The following OSBPL6 variants were observed in gnomAD, a reference collection of about 807,000 sequenced individuals.
OSBPL6 encodes the protein oxysterol-binding protein-related protein 6.
OSBPL6 carries 49 observed loss-of-function variants against 125.8 expected under a neutral mutation model. The ratio of observed to expected loss-of-function variants is 0.39; its 90% CI spans 0.31 to 0.49. The LOEUF is 0.49. Among genes scored for constraint, OSBPL6 ranks in the 20% least tolerant of loss-of-function variants. The probability of loss-of-function intolerance (pLI) is 0.88; values close to 1 mark genes in which losing one functional copy is unlikely to be tolerated. For missense variants in OSBPL6, 986 were observed against 1,135.4 expected, an observed-to-expected ratio of 0.87 and a Z score of 1.89; for synonymous variants, 394 against 391.8, an observed-to-expected ratio of 1.01 and a Z score of -0.07.
At chr2:178,327,852 C>T (rs1688832184) in intron 4 of OSBPL6, among the ~76,000 whole-genome samples, 1 of 152,114 alleles carries the variant, frequency 6.6e-6, no homozygotes, top group Non-Finnish European at 1.5e-5. Flanking sequence ...CATTTCTACA[C>T]AGAAAGCCAG....
At chr2:178,279,252 T>C (rs1433717603) in intron 1 of OSBPL6, among the ~76,000 whole-genome samples, 4 of 152,146 alleles carry the variant, frequency 2.6e-5, no homozygotes, top group African/African-American at 9.7e-5. Context: ...TGGGCTTGAA[T>C]AAGAAAGGAG....
intron 1 of OSBPL6, among the ~76,000 whole-genome samples, chr2:178,206,711 T>C (rs1314744222): frequency 6.6e-6 from 1 of 151,836 alleles, no homozygotes; most frequent in African/African-American, 2.4e-5. Flanking sequence ...GCCTCCCGGG[T>C]TCAAGCAATT....
At chr2:178,200,339 C>T (rs2089182086) in intron 1 of OSBPL6, among the ~76,000 whole-genome samples, 2 of 150,788 alleles carry the variant, frequency 1.3e-5, no homozygotes, top group African/African-American at 2.4e-5. Flanking sequence ...GCAACCTCCA[C>T]CTCCTGGGTT....
At chr2:178,289,136 C>T (rs1385165523) in intron 2 of OSBPL6, among the ~76,000 whole-genome samples, 2 of 150,168 alleles carry the variant, frequency 1.3e-5, no homozygotes, top group Non-Finnish European at 3.0e-5. Context: ...TCCTGGCTCA[C>T]CCTCCCGAGT....
At chr2:178,256,872 C>G (rs1355597744) in intron 1 of OSBPL6, among the ~76,000 whole-genome samples, 4 of 152,122 alleles carry the variant, frequency 2.6e-5, no homozygotes, top group African/African-American at 9.7e-5. Context: ...TCCCCTGACT[C>G]CTGGGGATTA....
chr2:178,199,564 C>T (rs534613221), intron 1 of OSBPL6, among the ~76,000 whole-genome samples: 1 of 150,278 alleles, frequency 6.7e-6, no homozygotes, highest in South Asian at 2.1e-4. Flanking sequence ...TGGGGAGCCT[C>T]TGCAAGATAA....
At position 178,384,308 on chromosome 2, in the gene OSBPL6, G is replaced by T. The variant is rs1444128609; in HGVS notation, c.2013+132G>T. ...TGTGAATTCGAAGTATCTGAGACAG[G>T]TCTTAATCAGTTTAGAAAGTTTATT... On this transcript the variant is annotated intron_variant, in intron 18 of 24. Coordinates refer to ENST00000190611, the MANE Select transcript of OSBPL6 (RefSeq NM_032523.4). 4.1e-6 allele frequency: 5 copies of T among 1,208,354 alleles called. No homozygotes were observed. In the East Asian group the frequency reaches 9.4e-5, roughly 23 times the overall value. 74.9% of individuals were successfully genotyped at this position (1,208,354 alleles called of 1,614,324 possible).
chr2:178,337,969 TC>T (rs1689848276), intron 9 of OSBPL6, among the ~76,000 whole-genome samples: 1 of 151,342 alleles, frequency 6.6e-6, no homozygotes, highest in African/African-American at 2.4e-5. Context: ...TGAGACGGAG[TC>T]TTGCTCTATT....
chr2:178,361,496 G>A (rs1373988897), intron 12 of OSBPL6, among the ~76,000 whole-genome samples, 186 bp from the exon 13 acceptor site: 1 of 152,118 alleles, frequency 6.6e-6, no homozygotes, highest in Non-Finnish European at 1.5e-5. Flanking sequence ...AATTGCCATT[G>A]TAATATTTGT....
intron 3 of OSBPL6, among the ~76,000 whole-genome samples, chr2:178,311,007 G>A (rs1466749193): frequency 6.6e-6 from 1 of 152,212 alleles, no homozygotes; most frequent in African/African-American, 2.4e-5. Flanking sequence ...TTACAGAGCA[G>A]TTGGAGTAGT....
At chr2:178,388,637 G>C (rs1043100441) in intron 20 of OSBPL6, among the ~76,000 whole-genome samples, 4 of 152,088 alleles carry the variant, frequency 2.6e-5, no homozygotes, top group African/African-American at 4.8e-5. Flanking sequence ...TGTCTTCCTT[G>C]ACACTCATCC....
At chr2:178,213,361 A>G (rs2089953208) in intron 1 of OSBPL6, among the ~76,000 whole-genome samples, 2 of 152,018 alleles carry the variant, frequency 1.3e-5, no homozygotes, top group South Asian at 4.1e-4. Context: ...TGCATGCCCA[A>G]AACAGAACCA....
chr2:178,336,447 C>G lies in OSBPL6; in HGVS notation c.790+14C>G. On this transcript the variant is annotated intron_variant, in intron 9 of 24. Transcript: ENST00000190611. ...GGTGTGCAGAAGGTTAGTTCTTGCC[C>G]AGTGTGGCCTGAGAGTAAGCCAAAA... 6.2e-7 allele frequency: 1 copy of G among 1,612,356 alleles called. No individual in the cohort carries two copies. Among genetic ancestry groups the G allele is most frequent in the East Asian group, 2.2e-5 (1 of 44,854 alleles).
rs1687555753 is a variant in OSBPL6, at chr2:178,314,338, CTG to C, written c.102+8056_102+8057del. ...AGGAATATAACCTGAATTATTAGCT[CTG>C]TGTAGAATTCCACTGGACCCAGGGA... On this transcript the variant is annotated intron_variant, in intron 3 of 24. Coordinates refer to ENST00000190611, the MANE Select transcript of OSBPL6 (RefSeq NM_032523.4). 3.9e-5 allele frequency among the ~76,000 whole-genome samples: 6 copies of C among 152,354 alleles called. No individual in the cohort carries two copies. The South Asian group carries it at 1.2e-3, about 32-fold the overall frequency.
At position 178,389,011 on chromosome 2, in the gene OSBPL6, A is replaced by T. The variant is rs967256565; in HGVS notation, c.2159A>T (p.Tyr720Phe). The change falls in exon 21 of 25, where the codon TAT (tyrosine) becomes TTT (phenylalanine). Residue 720 changes from tyrosine to phenylalanine, a missense_variant and splice_region_variant. By Grantham distance (22) the Tyr-to-Phe change is conservative. Around this residue, in one of 3 missense-constraint regions of OSBPL6, gnomAD observed 843 missense variants for 997.3 expected, o/e 0.85. Coordinates refer to ENST00000190611, the MANE Select transcript of OSBPL6 (RefSeq NM_032523.4). The part of the protein sequence containing the change: ...VGTLNVMLPK[Y>F]GDYYVWNKVT... The stretch of plus-strand genomic sequence containing the variant: ...ATCAGTGTTACATTCTTCACTAGGT[A>T]TGGAGATTACTATGTGTGGAATAAA... The T allele has an allele frequency of 1.9e-6, 3 of 1,613,758 alleles. No homozygotes were observed. Among genetic ancestry groups the T allele is most frequent in the Non-Finnish European group, 2.5e-6 (3 of 1,179,890 alleles).
At chr2:178,318,572 C>T (rs1174230591) in intron 3 of OSBPL6, among the ~76,000 whole-genome samples, 1 of 152,198 alleles carries the variant, frequency 6.6e-6, no homozygotes, top group Non-Finnish European at 1.5e-5. Flanking sequence ...GGAAAATCCA[C>T]ATGCATCTTC....
chr2:178,220,690 A>G (rs1428587459), intron 1 of OSBPL6, among the ~76,000 whole-genome samples: 1 of 152,220 alleles, frequency 6.6e-6, no homozygotes, highest in Non-Finnish European at 1.5e-5. Context: ...TCAATTTCGT[A>G]GGGAAAAATG....
upstream of OSBPL6, chr2:178,194,488 C>A (rs1180178148): frequency 1.3e-5 from 2 of 151,992 alleles, no homozygotes; most frequent in Admixed American, 1.3e-4. Context: ...CCACTGGAGG[C>A]GCAGCACGGT....
intron 1 of OSBPL6, among the ~76,000 whole-genome samples, chr2:178,267,369 A>T (rs993850801): frequency 6.7e-6 from 1 of 150,028 alleles, no homozygotes; most frequent in East Asian, 2.0e-4. Flanking sequence ...AAAAAAAAAA[A>T]AAAAAACAAA....
Sources: gnomAD v4.1 joint callset for allele counts (sites outside exome capture counted in the v4.1 genomes callset) on GRCh38, gnomAD v4.1.1 for gene constraint, gnomAD v4.1.1 regional missense constraint, MANE v1.5 for transcripts, NCBI Gene and HGNC (gene_info 2026-07-23, HGNC 2026-07-21) for gene names.